The following PDE7B variants were observed in gnomAD, a reference collection of about 807,000 sequenced individuals.
The protein encoded by PDE7B is 3',5'-cyclic-AMP phosphodiesterase 7B.
A neutral mutation model predicts 56.2 loss-of-function variants in PDE7B; 29 were observed. That is an observed-to-expected ratio of 0.52 (90% CI 0.38 to 0.70). The LOEUF is 0.70. PDE7B is among the 30% of genes least tolerant of loss of function. The pLI, the probability that PDE7B is intolerant of heterozygous loss-of-function variation, is 0.00. For synonymous variants in PDE7B, 197 were observed against 196.9 expected (o/e 1.00, Z 0.00); for missense variants, 490 against 565.0 (o/e 0.87, Z 1.35).
chr6:136,191,024 T>TTTTTTTTTTTTTTTTTTTTC (rs1779214639), intron 12 of PDE7B, among the ~76,000 whole-genome samples: 1 of 147,766 alleles, frequency 6.8e-6, no homozygotes, highest in African/African-American at 2.6e-5. Context: ...TTTTTTTTTT[T>TTTTTTTTTTTTTTTTTTTTC]TTTTTTTTTT....
At chr6:135,985,739 G>A (rs1775365899) in intron 2 of PDE7B, among the ~76,000 whole-genome samples, 1 of 152,154 alleles carries the variant, frequency 6.6e-6, no homozygotes, top group African/African-American at 2.4e-5. Context: ...GTTCAAGCCT[G>A]GCTTAATTCC....
chr6:135,855,407 A>G (rs1046704915), intron 1 of PDE7B, among the ~76,000 whole-genome samples: 2 of 152,172 alleles, frequency 1.3e-5, no homozygotes, highest in Non-Finnish European at 2.9e-5. Context: ...AAACAAAAGG[A>G]GAAGTCTGAG....
At chr6:135,914,778 C>T (rs1247850661) in intron 1 of PDE7B, among the ~76,000 whole-genome samples, 2 of 53,752 alleles carry the variant, frequency 3.7e-5, no homozygotes, top group African/African-American at 1.9e-4. Flanking sequence ...CGTGAGCCAC[C>T]GCGCCCGGCT....
At chr6:136,005,183 C>A (rs1192707381) in intron 2 of PDE7B, among the ~76,000 whole-genome samples, 1 of 152,170 alleles carries the variant, frequency 6.6e-6, no homozygotes, top group South Asian at 2.1e-4. Flanking sequence ...CCCTTCCTTA[C>A]ACCTTATACA....
intron 1 of PDE7B, among the ~76,000 whole-genome samples, chr6:135,900,912 G>A (rs554861827): frequency 3.3e-5 from 5 of 152,052 alleles, no homozygotes; most frequent in African/African-American, 9.7e-5. Context: ...AGATTGGTGT[G>A]ATATCTTTTA....
rs764228687 is a variant in PDE7B at position 135,864,450 on chromosome 6, A to T, written c.21+12431A>T. On this transcript the variant is annotated intron_variant, in intron 1 of 12. Transcript: ENST00000308191. ...TGGCTTTATTTTACCTTTATTTCTG[A>T]TGTGTACTTTTGCTGGTAATAAAAT... is the stretch of plus-strand genomic sequence containing the variant. Among the ~76,000 whole-genome samples the T allele has an allele frequency of 1.1e-4, 16 of 151,902 alleles. 1 individual carries two copies. The highest frequency in any genetic ancestry group is 6.9e-3 in the Middle Eastern group (2 of 290).
At chr6:136,116,358 G>A (rs886776829) in intron 3 of PDE7B, among the ~76,000 whole-genome samples, 1 of 152,230 alleles carries the variant, frequency 6.6e-6, no homozygotes. Context: ...TCATTAAGAA[G>A]AGGATCTCTA....
chr6:136,020,528 A>G (rs1397897219), intron 2 of PDE7B, among the ~76,000 whole-genome samples: 1 of 152,116 alleles, frequency 6.6e-6, no homozygotes, highest in East Asian at 1.9e-4. Flanking sequence ...TTACCATACC[A>G]TCTCTCTGAG....
rs186206670 is a variant in PDE7B, at chr6:136,194,614, G to C, written c.*2774G>C. 1 of 152,078 alleles carries C rather than the reference G, an allele frequency of 6.6e-6. No individual in the cohort carries two copies. 9.4% of individuals were successfully genotyped at this position (152,078 alleles called of 1,614,324 possible). A position where few individuals can be genotyped will look rare whatever the true frequency, so the allele number is the denominator to read the frequency against. ...TCCAATTACTAGTTAAAACACTGGC[G>C]GGGTGCGGTGGCTCACGCCTGTAAT... On this transcript the variant is annotated 3_prime_UTR_variant, in exon 13 of 13. Transcript: ENST00000308191.
At chr6:136,176,195 T>C (rs1317959060) in intron 9 of PDE7B, among the ~76,000 whole-genome samples, 2 of 152,090 alleles carry the variant, frequency 1.3e-5, no homozygotes, top group African/African-American at 4.8e-5. Flanking sequence ...TTGTTATATG[T>C]GGTAAATATT....
At chr6:136,172,090 A>AG (rs1562512741) in intron 8 of PDE7B, among the ~76,000 whole-genome samples, 3 of 152,238 alleles carry the variant, frequency 2.0e-5, no homozygotes, top group African/African-American at 7.2e-5. Flanking sequence ...TAGTGCTGCT[A>AG]TAAACATACG....
At chr6:135,967,229 C>T (rs1228471609) in intron 2 of PDE7B, among the ~76,000 whole-genome samples, 1 of 152,158 alleles carries the variant, frequency 6.6e-6, no homozygotes, top group Non-Finnish European at 1.5e-5. Context: ...ACACCATAAT[C>T]TCTCTCTGTC....
At chr6:136,048,117 T>C (rs1341546176) in intron 2 of PDE7B, among the ~76,000 whole-genome samples, 6 of 149,642 alleles carry the variant, frequency 4.0e-5, no homozygotes, top group Admixed American at 1.3e-4. Flanking sequence ...GACAGATAGA[T>C]AGATGTGATA....
At chr6:136,111,179 G>A (rs1242735202) in intron 3 of PDE7B, 1 of 151,884 alleles carries the variant, frequency 6.6e-6, no homozygotes, top group Admixed American at 6.6e-5. Context: ...TTTTTTTAAT[G>A]TATCAAAGAC....
chr6:136,122,237 C>T (rs914464977), intron 3 of PDE7B, among the ~76,000 whole-genome samples: 21 of 152,126 alleles, frequency 1.4e-4, no homozygotes, highest in African/African-American at 3.6e-4. Flanking sequence ...CCCCATGATC[C>T]GCCTGTCTCG....
chr6:135,913,471 G>A (rs920133221), intron 1 of PDE7B, among the ~76,000 whole-genome samples: 7 of 152,056 alleles, frequency 4.6e-5, no homozygotes, highest in East Asian at 3.9e-4. Flanking sequence ...CCACTACTGC[G>A]GTCACTCTTT....
At chr6:135,857,544 A>G (rs1775059396) in intron 1 of PDE7B, among the ~76,000 whole-genome samples, 1 of 152,160 alleles carries the variant, frequency 6.6e-6, no homozygotes, top group South Asian at 2.1e-4. Context: ...AGAGGCTACC[A>G]TATGCCTGGA....
chr6:136,000,918 A>G (rs570837847), intron 2 of PDE7B, among the ~76,000 whole-genome samples: 16 of 152,168 alleles, frequency 1.1e-4, no homozygotes, highest in Non-Finnish European at 2.2e-4. Flanking sequence ...CTGACCCCTG[A>G]CCCCTGAGCA....
intron 2 of PDE7B, among the ~76,000 whole-genome samples, chr6:136,041,834 C>CAG (rs1252929368): frequency 6.6e-6 from 1 of 152,092 alleles, no homozygotes; most frequent in African/African-American, 2.4e-5. Flanking sequence ...GTAAATAGTT[C>CAG]AGAGAGACTC....
Sources: allele counts gnomAD v4.1 joint callset (sites outside exome capture counted in the v4.1 genomes callset), GRCh38; gene constraint gnomAD v4.1.1; transcripts MANE v1.5; gene names NCBI Gene and HGNC (gene_info 2026-07-23, HGNC 2026-07-21).